The following APOLD1 variants were observed in gnomAD, a reference collection of about 807,000 sequenced individuals.
The protein encoded by APOLD1 is apolipoprotein L domain-containing protein 1.
Under a neutral mutation model 15.3 loss-of-function variants are expected in APOLD1, and 22 were observed. The observed-to-expected ratio is 1.44, with a 90% CI of 1.03 to 2.05. The LOEUF is 2.05. Among genes scored for constraint, APOLD1 ranks in the 30% most tolerant of loss-of-function variants. APOLD1 has a pLI of 0.00. For synonymous variants in APOLD1, 190 were observed against 167.4 expected (o/e 1.13, Z -1.04); for missense variants, 394 against 353.5 (o/e 1.11, Z -0.92).
At chr12:12,751,747 G>A (rs998854460) in intron 1 of APOLD1, among the ~76,000 whole-genome samples, 27 of 152,238 alleles carry the variant, frequency 1.8e-4, no homozygotes, top group African/African-American at 5.1e-4. Flanking sequence ...GAATCTGTGA[G>A]TATGTTATAT....
chr12:12,787,325 T>C lies in APOLD1; in HGVS notation c.420T>C (p.Phe140=), dbSNP rs758807576. The stretch of plus-strand genomic sequence containing the variant: ...GAGAGATCCTGAGCTGCCTCGAGTT[T>C]TTCTGCCGCTGGCAGGGCTGCGGGG... ...QMREILSCLE[F]FCRWQGCGDR... Residue 140 remains phenylalanine (F), a synonymous_variant, in exon 2 of 2, where the codon TTT becomes TTC. Transcript: ENST00000356591. The surrounding 1 kb of genome is among the most constrained non-coding windows in gnomAD (Gnocchi z 4.9). 2.0e-5 allele frequency: 33 copies of C among 1,613,480 alleles called. No homozygotes were observed. The highest frequency in any genetic ancestry group is 2.8e-5 in the Non-Finnish European group (33 of 1,179,986).
intron 1 of APOLD1, among the ~76,000 whole-genome samples, chr12:12,735,996 G>A (rs1011469415): frequency 2.6e-5 from 4 of 152,064 alleles, no homozygotes; most frequent in African/African-American, 9.7e-5. Context: ...ACTTTGAGAA[G>A]CTGAGGCAGG....
rs188356782 is a variant in APOLD1 at position 12,778,284 on chromosome 12, C to T, written c.97-8625C>T. ...TTTACATTTCTTCTGCTTGCTTCTCCCTGTGGGAGGCATATACCTCTCTAT... is the reference window on the plus strand; with the variant it reads ...TTTACATTTCTTCTGCTTGCTTCTCTCTGTGGGAGGCATATACCTCTCTAT... On this transcript the variant is annotated intron_variant, in intron 1 of 1. Coordinates refer to the APOLD1 transcript ENST00000326765. Among the ~76,000 whole-genome samples the T allele has an allele frequency of 3.8e-4, 57 of 150,700 alleles. 2 individuals carry two copies. In the South Asian group the frequency reaches 0.011, roughly 29 times the overall value.
chr12:12,787,675 C>T lies in APOLD1; in HGVS notation c.*23C>T. 1 of 1,553,150 alleles carries T rather than the reference C, an allele frequency of 6.4e-7. No individual in the cohort carries two copies. Among genetic ancestry groups the T allele is most frequent in the South Asian group, 1.2e-5 (1 of 83,822 alleles). ...TGAGAACATCCTTTCCCCCTAATGA[C>T]CGAGGCCAGCAAATCATCCTCATGG... On this transcript the variant is annotated 3_prime_UTR_variant, in exon 2 of 2. Coordinates refer to ENST00000356591, the MANE Select transcript of APOLD1 (RefSeq NM_030817.3). This position sits in a 1 kb window ranked among gnomAD's most constrained non-coding sequence, Gnocchi z 4.9.
chr12:12,745,674 A>C (rs947791475), intron 1 of APOLD1, among the ~76,000 whole-genome samples: 7 of 152,080 alleles, frequency 4.6e-5, no homozygotes, highest in African/African-American at 1.7e-4. Context: ...CTAAGCATCC[A>C]GTACACGTTG....
At chr12:12,762,491 AT>A (rs1409966380) in intron 1 of APOLD1, among the ~76,000 whole-genome samples, 1 of 151,880 alleles carries the variant, frequency 6.6e-6, no homozygotes, top group African/African-American at 2.4e-5. Flanking sequence ...AGGAGCTGGG[AT>A]TATAGACGCG....
upstream of APOLD1, among the ~76,000 whole-genome samples, chr12:12,785,182 TCA>T (rs773982439): frequency 3.9e-5 from 6 of 152,180 alleles, no homozygotes; most frequent in Non-Finnish European, 8.8e-5. Flanking sequence ...CTCCAGCCAC[TCA>T]CAGATTCACA....
At chr12:12,737,889 A>G (rs1016736848) in intron 1 of APOLD1, among the ~76,000 whole-genome samples, 1 of 152,162 alleles carries the variant, frequency 6.6e-6, no homozygotes, top group Admixed American at 6.5e-5. Flanking sequence ...AGGGGGAGGA[A>G]GGGGACTGAA....
chr12:12,742,905 C>T (rs184792331), intron 1 of APOLD1, among the ~76,000 whole-genome samples: 28 of 152,382 alleles, frequency 1.8e-4, no homozygotes, highest in Non-Finnish European at 2.9e-4. Flanking sequence ...GCTGGAACTA[C>T]AGGCATGTGA....
intron 1 of APOLD1, among the ~76,000 whole-genome samples, chr12:12,734,623 G>T (rs901055452): frequency 2.0e-5 from 3 of 152,180 alleles, no homozygotes; most frequent in African/African-American, 7.2e-5. Context: ...TGTGGATCAG[G>T]TTATTTTTCA....
At chr12:12,772,166 C>T (rs912833907) in intron 1 of APOLD1, among the ~76,000 whole-genome samples, 1 of 152,098 alleles carries the variant, frequency 6.6e-6, no homozygotes, top group Non-Finnish European at 1.5e-5. Context: ...CTTTGAATGT[C>T]AGTGGTCTAA....
intron 1 of APOLD1, among the ~76,000 whole-genome samples, chr12:12,757,559 A>G (rs1316157175): frequency 6.6e-6 from 1 of 152,256 alleles, no homozygotes; most frequent in East Asian, 1.9e-4. Flanking sequence ...ACTGCCAATC[A>G]GATCAAGAAC....
intron 1 of APOLD1, among the ~76,000 whole-genome samples, chr12:12,735,594 T>C (rs1946678363): frequency 6.6e-6 from 1 of 152,068 alleles, no homozygotes; most frequent in Non-Finnish European, 1.5e-5. Flanking sequence ...ATTAGGAATT[T>C]TGGACTTTAA....
intron 1 of APOLD1, among the ~76,000 whole-genome samples, chr12:12,738,594 A>C (rs1946708247): frequency 6.6e-6 from 1 of 152,182 alleles, no homozygotes; most frequent in South Asian, 2.1e-4. Flanking sequence ...AATATGGTGC[A>C]CTGGGTATAC....
At chr12:12,771,695 G>T in intron 1 of APOLD1, 1 of 430,468 alleles carries the variant, frequency 2.3e-6, no homozygotes, top group Non-Finnish European at 4.6e-6. Flanking sequence ...AAGAGCCAAG[G>T]GTTGGGCACT....
chr12:12,768,037 G>A (rs578127882), intron 1 of APOLD1, among the ~76,000 whole-genome samples: 6 of 151,998 alleles, frequency 3.9e-5, no homozygotes, highest in South Asian at 4.2e-4. Flanking sequence ...TGCCTGCCTC[G>A]GCATCCCAAA....
chr12:12,749,773 C>T (rs569293298), intron 1 of APOLD1, among the ~76,000 whole-genome samples: 9 of 152,274 alleles, frequency 5.9e-5, no homozygotes, highest in African/African-American at 1.9e-4. Flanking sequence ...CTGCTCAGGC[C>T]GCTCCCACAC....
At position 12,791,102 on chromosome 12, in the gene APOLD1, T is replaced by G. The variant is rs150009052; in HGVS notation, c.*3450T>G. The G allele has an allele frequency of 3.8e-4, 58 of 152,322 alleles. No individual in the cohort carries two copies. The highest frequency in any genetic ancestry group is 1.4e-3 in the African/African-American group (57 of 41,564). The allele number at this position is 152,322 out of a possible 1,614,324, so 9.4% of individuals were successfully genotyped here. ...TCACTGGGTTCTGCATTTTCAGGAT[T>G]CAATAGAACTGCTCCATTAAAAAAA... On this transcript the variant is annotated 3_prime_UTR_variant, in exon 2 of 2. Coordinates refer to ENST00000356591, the MANE Select transcript of APOLD1 (RefSeq NM_030817.3).
Position 12,787,484 on chromosome 12 carries a change from C to T in APOLD1, c.579C>T (p.Ala193=), listed in dbSNP as rs758149857. Residue 193 remains alanine, a synonymous_variant, in exon 2 of 2, where the codon GCC becomes GCT. Coordinates refer to ENST00000356591, the MANE Select transcript of APOLD1 (RefSeq NM_030817.3). This position sits in a 1 kb window ranked among gnomAD's most constrained non-coding sequence, Gnocchi z 4.9. ...RAEGDTKVSQ[A]VLKAKIQKLA... ...AGGGGGACACCAAGGTTAGCCAGGC[C>T]GTGCTGAAGGCCAAGATTCAGAAAC... The T allele has an allele frequency of 5.6e-6, 9 of 1,614,022 alleles. No homozygotes were observed. In the Admixed American group the frequency reaches 1.0e-4, roughly 18 times the overall value.
Sources: allele counts gnomAD v4.1 joint callset (sites outside exome capture counted in the v4.1 genomes callset), GRCh38; gene constraint gnomAD v4.1.1; non-coding constraint Gnocchi (gnomAD v3.1); transcripts MANE v1.5; gene names NCBI Gene and HGNC (gene_info 2026-07-23, HGNC 2026-07-21).